Variants in RSRC1 observed in about 807,000 individuals in gnomAD.
The protein encoded by RSRC1 is arginine and serine rich coiled-coil 1.
Under a neutral mutation model 49.1 loss-of-function variants are expected in RSRC1, and 39 were observed. The ratio of observed to expected loss-of-function variants is 0.79; its 90% CI spans 0.61 to 1.04. RSRC1 has a LOEUF of 1.04. Ranked by LOEUF, RSRC1 falls within the 50% of genes least tolerant of loss-of-function variation. RSRC1 has a pLI of 0.00. For missense variants in RSRC1, 388 were observed against 402.4 expected, an observed-to-expected ratio of 0.96 and a Z score of 0.31; for synonymous variants, 143 against 130.8, an observed-to-expected ratio of 1.09 and a Z score of -0.63.
chr3:158,414,211 T>C (rs1734620003), intron 6 of RSRC1, among the ~76,000 whole-genome samples: 1 of 152,136 alleles, frequency 6.6e-6, no homozygotes, highest in Admixed American at 6.6e-5. Context: ...CATGGAATAC[T>C]ATGCAGTCAT....
intron 5 of RSRC1, among the ~76,000 whole-genome samples, chr3:158,313,414 A>C (rs1728237784): frequency 6.6e-6 from 1 of 152,180 alleles, no homozygotes; most frequent in Non-Finnish European, 1.5e-5. Context: ...ATTATGTTTT[A>C]ATATGTGTCT....
At chr3:158,186,611 A>G (rs1915935) in intron 3 of RSRC1, among the ~76,000 whole-genome samples, 99,586 of 151,732 alleles carry the variant, frequency 0.66, 32,919 homozygotes, top group East Asian at 0.84. Flanking sequence ...AACATGAGAA[A>G]CAGATTGGAA....
intron 1 of RSRC1, among the ~76,000 whole-genome samples, chr3:158,118,468 T>TGTGTGC (rs1715023719): frequency 1.4e-5 from 2 of 143,578 alleles, no homozygotes; most frequent in Non-Finnish European, 1.5e-5. Flanking sequence ...TGTGTGCGCG[T>TGTGTGC]GCGCGTGGTT....
At chr3:158,186,879 G>A (rs1260053510) in intron 3 of RSRC1, among the ~76,000 whole-genome samples, 5 of 151,892 alleles carry the variant, frequency 3.3e-5, no homozygotes, top group Non-Finnish European at 2.9e-5. Context: ...AGGTTGATAT[G>A]ATGAGAATTC....
intron 3 of RSRC1, among the ~76,000 whole-genome samples, chr3:158,199,915 A>T (rs772207470): frequency 3.2e-4 from 49 of 152,270 alleles, no homozygotes; most frequent in Non-Finnish European, 5.6e-4. Flanking sequence ...CCTTTTGATC[A>T]TCATGAAGTA....
intron 5 of RSRC1, among the ~76,000 whole-genome samples, chr3:158,318,431 G>A (rs1373669837): frequency 6.6e-6 from 1 of 152,142 alleles, no homozygotes; most frequent in Admixed American, 6.5e-5. Flanking sequence ...CATTCTAAAA[G>A]ACAGTTAAAA....
intron 4 of RSRC1, among the ~76,000 whole-genome samples, chr3:158,274,107 T>C (rs1193417058): frequency 2.0e-5 from 3 of 152,174 alleles, no homozygotes; most frequent in Non-Finnish European, 4.4e-5. Flanking sequence ...AAGAATTCTG[T>C]TTATGTATTC....
intron 3 of RSRC1, among the ~76,000 whole-genome samples, chr3:158,182,294 A>G (rs535733269): frequency 6.6e-6 from 1 of 152,304 alleles, no homozygotes; most frequent in Admixed American, 6.5e-5. Flanking sequence ...GTTAATTACA[A>G]ATCATTTATT....
chr3:158,491,942 G>A (rs1377824078), intron 7 of RSRC1, among the ~76,000 whole-genome samples: 1 of 152,070 alleles, frequency 6.6e-6, no homozygotes, highest in African/African-American at 2.4e-5. Flanking sequence ...AAACCTGTGT[G>A]TATTAGTCCA....
Position 158,497,505 on chromosome 3 carries a change from C to T in RSRC1, c.652+36502C>T, listed in dbSNP as rs578115789. On this transcript the variant is annotated intron_variant, in intron 7 of 9. Coordinates refer to ENST00000611884, the MANE Select transcript of RSRC1 (RefSeq NM_001271838.2). ...AGGTTGGAGTGCAGTGGCTCAATCT[C>T]GGCTCACTGCAACCTCTGCCCCCCG... Among the ~76,000 whole-genome samples the T allele has an allele frequency of 1.5e-4, 23 of 150,178 alleles. 1 individual carries two copies. In the South Asian group the frequency reaches 3.6e-3, roughly 23 times the overall value.
At chr3:158,516,956 CGTGCACG>C (rs1740588375) in intron 7 of RSRC1, among the ~76,000 whole-genome samples, 1 of 152,178 alleles carries the variant, frequency 6.6e-6, no homozygotes, top group Admixed American at 6.5e-5. Flanking sequence ...TGCTTTGGCT[CGTGCACG>C]GTGCACGCAC....
At chr3:158,292,863 T>C (rs1299347190) in intron 4 of RSRC1, among the ~76,000 whole-genome samples, 1 of 152,176 alleles carries the variant, frequency 6.6e-6, no homozygotes, top group Non-Finnish European at 1.5e-5. Flanking sequence ...AAGCCTCACA[T>C]CATAGGTGGA....
At chr3:158,271,774 C>A (rs775361948) in intron 4 of RSRC1, among the ~76,000 whole-genome samples, 4 of 151,864 alleles carry the variant, frequency 2.6e-5, no homozygotes, top group Non-Finnish European at 4.4e-5. Flanking sequence ...GGTATTTTAA[C>A]CTTTTTAGGT....
intron 4 of RSRC1, among the ~76,000 whole-genome samples, chr3:158,283,040 C>T (rs913482450): frequency 6.6e-6 from 1 of 152,094 alleles, no homozygotes; most frequent in African/African-American, 2.4e-5. Flanking sequence ...ATCTCTATTT[C>T]ACATTCTCCA....
At chr3:158,397,032 AC>A (rs1424645723) in intron 6 of RSRC1, among the ~76,000 whole-genome samples, 4 of 152,166 alleles carry the variant, frequency 2.6e-5, no homozygotes, top group African/African-American at 9.7e-5. Flanking sequence ...ACAACAGTGT[AC>A]CACCTTCATA....
chr3:158,463,264 C>G (rs1737713000), intron 7 of RSRC1, among the ~76,000 whole-genome samples: 1 of 151,976 alleles, frequency 6.6e-6, no homozygotes, highest in Non-Finnish European at 1.5e-5. Context: ...AAACTATTTG[C>G]TAGATTCTTT....
intron 5 of RSRC1, among the ~76,000 whole-genome samples, chr3:158,325,079 G>T (rs1239231111): frequency 5.3e-5 from 8 of 152,094 alleles, no homozygotes; most frequent in African/African-American, 1.7e-4. Context: ...TGATGGGGTT[G>T]TTTTTTTCTT....
chr3:158,287,777 A>T lies in RSRC1; in HGVS notation c.495-10262A>T, dbSNP rs993016111. On this transcript the variant is annotated intron_variant, in intron 4 of 9. Coordinates refer to ENST00000611884, the MANE Select transcript of RSRC1 (RefSeq NM_001271838.2). ...GTATTCATAAGAATTTCTGGAGGAAAAAACAAGGACATATTGAAGCTATTA... is the reference window on the plus strand; with the variant it reads ...GTATTCATAAGAATTTCTGGAGGAATAAACAAGGACATATTGAAGCTATTA... Among the ~76,000 whole-genome samples the T allele has an allele frequency of 2.0e-5, 3 of 152,228 alleles. 1 individual carries two copies. The South Asian group carries it at 6.2e-4, about 32-fold the overall frequency.
At chr3:158,326,236 G>A (rs1286377327) in intron 5 of RSRC1, among the ~76,000 whole-genome samples, 1 of 152,100 alleles carries the variant, frequency 6.6e-6, no homozygotes, top group Non-Finnish European at 1.5e-5. Flanking sequence ...TCTCCTGCCT[G>A]ATTGCCCTGG....
Sources: gnomAD v4.1 joint callset for allele counts (sites outside exome capture counted in the v4.1 genomes callset) on GRCh38, gnomAD v4.1.1 for gene constraint, MANE v1.5 for transcripts, NCBI Gene and HGNC (gene_info 2026-07-23, HGNC 2026-07-21) for gene names.